The following SLC30A8 variants were observed in gnomAD, a reference collection of about 807,000 sequenced individuals.
SLC30A8 encodes the protein solute carrier family 30 member 8.
A neutral mutation model predicts 36.9 loss-of-function variants in SLC30A8; 27 were observed. That is an observed-to-expected ratio of 0.73 (90% CI 0.54 to 1.01). SLC30A8 has a LOEUF of 1.01. SLC30A8 is among the 50% of genes least tolerant of loss of function. SLC30A8 has a pLI of 0.00. For missense variants in SLC30A8, 439 were observed against 452.0 expected (o/e 0.97, Z 0.26); for synonymous variants, 164 against 172.4 (o/e 0.95, Z 0.38).
intron 1 of SLC30A8, among the ~76,000 whole-genome samples, chr8:117,028,769 T>C (rs546587068): frequency 6.6e-6 from 1 of 152,006 alleles, no homozygotes; most frequent in African/African-American, 2.4e-5. Context: ...AAGAAATATA[T>C]ATGTGTCTGT....
intron 2 of SLC30A8, among the ~76,000 whole-genome samples, chr8:117,064,109 A>T (rs891260660): frequency 1.3e-5 from 2 of 152,060 alleles, no homozygotes; most frequent in African/African-American, 4.8e-5. Flanking sequence ...CTCCAGCCTC[A>T]GCCTCCTGAG....
chr8:116,974,374 A>G (rs1403339992), intron 1 of SLC30A8, among the ~76,000 whole-genome samples: 1 of 152,226 alleles, frequency 6.6e-6, no homozygotes, highest in Non-Finnish European at 1.5e-5. Flanking sequence ...AAAGTGGGGG[A>G]AGGACATGAA....
chr8:117,080,384 A>G (rs892011721), intron 2 of SLC30A8, among the ~76,000 whole-genome samples: 1 of 152,028 alleles, frequency 6.6e-6, no homozygotes, highest in Non-Finnish European at 1.5e-5. Context: ...TGTGTAACAA[A>G]CACAGGTTTG....
intron 2 of SLC30A8, among the ~76,000 whole-genome samples, chr8:117,047,974 C>T (rs757046243): frequency 1.3e-5 from 2 of 152,158 alleles, no homozygotes; most frequent in Non-Finnish European, 2.9e-5. Flanking sequence ...TCTATATGGT[C>T]TAAGAGGAAG....
At chr8:116,979,238 CAAAAAAAAAAAAA>C (rs67998633) in intron 1 of SLC30A8, among the ~76,000 whole-genome samples, 1 of 64,308 alleles carries the variant, frequency 1.6e-5, no homozygotes, top group African/African-American at 5.8e-5. Flanking sequence ...GACCCTGTCT[CAAAAAAAAAAAAA>C]AAAAAAAAAA....
intron 1 of SLC30A8, among the ~76,000 whole-genome samples, chr8:116,967,426 C>T (rs902895345): frequency 2.0e-5 from 3 of 152,082 alleles, no homozygotes; most frequent in Admixed American, 6.6e-5. Context: ...TTTTTTTCCA[C>T]GTTGCCCTGA....
chr8:117,036,118 C>CA (rs1363710052), intron 1 of SLC30A8, among the ~76,000 whole-genome samples: 1 of 151,130 alleles, frequency 6.6e-6, no homozygotes, highest in Non-Finnish European at 1.5e-5. Context: ...TTCCCCCCCC[C>CA]AGAAAATGGG....
intron 1 of SLC30A8, among the ~76,000 whole-genome samples, chr8:116,998,859 G>T (rs951686820): frequency 2.0e-5 from 3 of 152,232 alleles, no homozygotes; most frequent in African/African-American, 7.2e-5. Flanking sequence ...AGGGAGTATG[G>T]CCTTGCTGAC....
chr8:117,130,763 A>C (rs1249468098), upstream of SLC30A8, among the ~76,000 whole-genome samples: 1 of 152,000 alleles, frequency 6.6e-6, no homozygotes, highest in Non-Finnish European at 1.5e-5. Flanking sequence ...TGTAAGAAAT[A>C]ACAACCATAT....
At chr8:117,017,697 A>G (rs1816563885) in intron 1 of SLC30A8, among the ~76,000 whole-genome samples, 1 of 152,240 alleles carries the variant, frequency 6.6e-6, no homozygotes, top group Non-Finnish European at 1.5e-5. Flanking sequence ...TATGAGAGTG[A>G]CTAAATGAGG....
intron 6 of SLC30A8, among the ~76,000 whole-genome samples, chr8:117,166,766 ATTTTTT>A (rs71305462): frequency 6.2e-5 from 8 of 128,642 alleles, no homozygotes; most frequent in East Asian, 2.4e-4. Flanking sequence ...ACATTAGCTG[ATTTTTT>A]TTTTTTTTTT....
chr8:117,064,316 G>T (rs1002815127), intron 2 of SLC30A8, among the ~76,000 whole-genome samples: 3 of 152,114 alleles, frequency 2.0e-5, no homozygotes, highest in Non-Finnish European at 4.4e-5. Flanking sequence ...GATGTAGAGT[G>T]TTTATTCAAG....
At chr8:117,049,796 C>T (rs909422616) in intron 2 of SLC30A8, among the ~76,000 whole-genome samples, 1 of 152,120 alleles carries the variant, frequency 6.6e-6, no homozygotes, top group Admixed American at 6.5e-5. Context: ...TATAGCTGCT[C>T]ACGAGAATGG....
At position 117,147,013 on chromosome 8, in the gene SLC30A8, A is replaced by G. The variant is rs1821930036; in HGVS notation, c.131A>G (p.Glu44Gly). The G allele has an allele frequency of 1.2e-6, 2 of 1,613,948 alleles. No individual in the cohort carries two copies. The highest frequency in any genetic ancestry group is 1.1e-5 in the South Asian group (1 of 91,082). ...KDQCPRERPE[E>G]LESGGMYHCH... The stretch of plus-strand genomic sequence containing the variant: ...CAGTGTCCCAGAGAGAGACCAGAGG[A>G]GCTGGAGTCAGGAGGCATGTACCAC... The change falls in exon 2 of 8, where the codon GAG (glutamate) becomes GGG (glycine). Residue 44 changes from glutamate to glycine, a missense_variant. Glu to Gly is a moderately conservative substitution (Grantham distance 98). Coordinates refer to ENST00000456015, the MANE Select transcript of SLC30A8 (RefSeq NM_173851.3).
At chr8:117,164,408 C>T (rs755589287) in intron 6 of SLC30A8, among the ~76,000 whole-genome samples, 3 of 151,528 alleles carry the variant, frequency 2.0e-5, no homozygotes, top group Non-Finnish European at 2.9e-5. Context: ...CTCGTCTCAA[C>T]AAAAAAATGC....
intron 2 of SLC30A8, among the ~76,000 whole-genome samples, chr8:117,103,506 ACT>A (rs1193514214): frequency 3.3e-5 from 5 of 151,844 alleles, no homozygotes; most frequent in African/African-American, 1.2e-4. Context: ...ACAGGGTCTC[ACT>A]CTGTTGCCCA....
chr8:117,097,247 A>C (rs1362368130), intron 2 of SLC30A8, among the ~76,000 whole-genome samples: 1 of 149,528 alleles, frequency 6.7e-6, no homozygotes, highest in Non-Finnish European at 1.5e-5. Flanking sequence ...AAAATACAAA[A>C]AATTAGCCGG....
At chr8:117,107,513 T>G (rs1413031435) in intron 2 of SLC30A8, among the ~76,000 whole-genome samples, 1 of 152,174 alleles carries the variant, frequency 6.6e-6, no homozygotes, top group Non-Finnish European at 1.5e-5. Context: ...AAGATGAAAT[T>G]CTTATACCAG....
intron 1 of SLC30A8, among the ~76,000 whole-genome samples, chr8:117,035,018 C>G (rs1382447112): frequency 6.6e-6 from 1 of 152,174 alleles, no homozygotes; most frequent in Non-Finnish European, 1.5e-5. Flanking sequence ...ATGTCTCTCT[C>G]TCGACACTGT....
Sources: gnomAD v4.1 joint callset for allele counts (sites outside exome capture counted in the v4.1 genomes callset) on GRCh38, gnomAD v4.1.1 for gene constraint, MANE v1.5 for transcripts, NCBI Gene and HGNC (gene_info 2026-07-23, HGNC 2026-07-21) for gene names.